Variants in CDH15 observed in about 807,000 individuals in gnomAD.
The protein encoded by CDH15 is cadherin-15.
Under a neutral mutation model 69.4 loss-of-function variants are expected in CDH15, and 73 were observed. That is an observed-to-expected ratio of 1.05 (90% CI 0.87 to 1.28). The LOEUF is 1.28. CDH15 is among the 50% of genes most tolerant of loss of function. CDH15 has a pLI of 0.00. For synonymous variants in CDH15, 624 were observed against 507.7 expected, an observed-to-expected ratio of 1.23 and a Z score of -3.08; for missense variants, 1,343 against 1,133.6, an observed-to-expected ratio of 1.18 and a Z score of -2.65.
intron 4 of CDH15, 47 bp from the exon 5 acceptor site, chr16:89,185,126 C>T (rs1389736633): frequency 6.5e-7 from 1 of 1,544,938 alleles, no homozygotes; most frequent in South Asian, 1.2e-5. Context: ...GCCCCCAGCC[C>T]ATCGGCCCTG....
rs747133227 is a variant in CDH15, at chr16:89,179,488, G to C, written c.115G>C (p.Ala39Pro). Reference protein sequence around the residue: ...TTLYPWRRAPALSRVRRAWVI... With the variant: ...TTLYPWRRAPPLSRVRRAWVI... ...CCTGTACCCCTGGCGCCGGGCGCCT[G>C]CCCTGAGCCGCGTGCGGAGGGCCTG... Residue 39 changes from alanine to proline, a missense_variant, in exon 2 of 14, where the codon GCC becomes CCC. Physicochemically the swap from Ala to Pro is conservative, Grantham distance 27. Transcript: ENST00000289746. The C allele has an allele frequency of 1.9e-6, 3 of 1,613,350 alleles. No homozygotes were observed. The highest frequency in any genetic ancestry group is 1.7e-6 in the Non-Finnish European group (2 of 1,179,904).
In CDH15 at chr16:89,193,857, C is replaced by T. The variant is rs1915718995; in HGVS notation, c.2095C>T (p.Gln699Ter). 1.2e-6 allele frequency: 2 copies of T among 1,611,998 alleles called. No homozygotes were observed. Among genetic ancestry groups the T allele is most frequent in the Non-Finnish European group, 1.7e-6 (2 of 1,179,776 alleles). Residue 699 changes from glutamine (Q) to a stop codon, truncating the protein, a stop_gained, in exon 13 of 14, where the codon CAG becomes TAG. Transcript: ENST00000289746. LOFTEE classifies it high-confidence loss of function. Reference protein sequence around the residue: ...RDAPQGRLHPQPPRVLPTSPL... With the variant: ...RDAPQGRLHP ...TGCCCCGCAGGGCCGCCTGCACCCC[C>T]AGCCACCCCGAGTGCTGCCCACCAG...
rs913079487 is a variant in CDH15 at position 89,173,937 on chromosome 16, G to A, written c.42+2064G>A. Among the ~76,000 whole-genome samples the A allele has an allele frequency of 3.3e-5, 5 of 152,352 alleles. No homozygotes were observed. In the East Asian group the frequency reaches 5.8e-4, roughly 18 times the overall value. On this transcript the variant is annotated intron_variant, in intron 1 of 13. Coordinates refer to ENST00000289746, the MANE Select transcript of CDH15 (RefSeq NM_004933.3). ...GACTCACAGAGAACCCCAGCCTGCT[G>A]GGAAGGTCCCCACTTCTGCATCTGG...
intron 1 of CDH15, among the ~76,000 whole-genome samples, chr16:89,172,580 C>A (rs1244061819): frequency 6.6e-6 from 1 of 152,168 alleles, no homozygotes; most frequent in Non-Finnish European, 1.5e-5. Flanking sequence ...CCCTAAAAAT[C>A]TTGTCTGGAC....
rs745707106 is a variant in CDH15, at chr16:89,190,424, G to C, written c.1160G>C (p.Gly387Ala). Residue 387 changes from glycine to alanine, a missense_variant, in exon 8 of 14, where the codon GGG becomes GCG. By Grantham distance (60) the Gly-to-Ala change is moderately conservative. Transcript: ENST00000289746. Reference protein sequence around the residue: ...ENPLRTSLAEGAPPGTLVATF... With the variant: ...ENPLRTSLAEAAPPGTLVATF... ...CCACTTCGGACCAGCCTAGCAGAGGGGGCACCCCCAGGCACTCTGGTGGCC... is the reference window on the plus strand; with the variant it reads ...CCACTTCGGACCAGCCTAGCAGAGGCGGCACCCCCAGGCACTCTGGTGGCC... 6.8e-5 allele frequency: 109 copies of C among 1,610,972 alleles called. No homozygotes were observed. Among genetic ancestry groups the C allele is most frequent in the Non-Finnish European group, 9.0e-5 (106 of 1,179,380 alleles).
chr16:89,173,112 C>T (rs1440404536), intron 1 of CDH15, among the ~76,000 whole-genome samples: 1 of 152,166 alleles, frequency 6.6e-6, no homozygotes, highest in Admixed American at 6.5e-5. Context: ...ACCCCCGACT[C>T]CCCCATCTGG....
intron 7 of CDH15, 93 bp from the exon 8 acceptor site, chr16:89,190,150 G>T: frequency 6.7e-7 from 1 of 1,493,054 alleles, no homozygotes; most frequent in Non-Finnish European, 9.2e-7. Flanking sequence ...CAGGTGCTCT[G>T]GACAGACCCA....
In CDH15 at chr16:89,193,598, G is replaced by A. The variant is rs1915710647; in HGVS notation, c.1984G>A (p.Glu662Lys). Residue 662 changes from glutamate to lysine, a missense_variant, in exon 12 of 14, where the codon GAG becomes AAG. Coordinates refer to ENST00000289746, the MANE Select transcript of CDH15 (RefSeq NM_004933.3). The stretch of plus-strand genomic sequence containing the variant: ...CTACGATGAGCAAGGAGGCGGGGAG[G>A]AGGACCAGGTGAGGGGGCAGGTGTG... ...LNYDEQGGGE[E>K]DQDAYDISQL... The A allele has an allele frequency of 5.6e-6, 9 of 1,596,368 alleles. No homozygotes were observed. Among genetic ancestry groups the A allele is most frequent in the African/African-American group, 1.3e-5 (1 of 74,680 alleles).
At chr16:89,189,618 C>T (rs976914960) in intron 7 of CDH15, among the ~76,000 whole-genome samples, 2 of 152,242 alleles carry the variant, frequency 1.3e-5, no homozygotes, top group Non-Finnish European at 2.9e-5. Context: ...TCCAGCCTTC[C>T]TCCTTTCATA....
At position 89,180,192 on chromosome 16, in the gene CDH15, C is replaced by A; in HGVS notation, c.202-8C>A. 1 of 1,610,404 alleles carries A rather than the reference C, an allele frequency of 6.2e-7. No individual in the cohort carries two copies. The highest frequency in any genetic ancestry group is 8.5e-7 in the Non-Finnish European group (1 of 1,179,176). On this transcript the variant is annotated splice_polypyrimidine_tract_variant and splice_region_variant and intron_variant, in intron 2 of 13. Coordinates refer to ENST00000289746, the MANE Select transcript of CDH15 (RefSeq NM_004933.3). ...CAGCTCTCCCCAAACCCATTTCCTG[C>A]CCCACAGATCAAGTCGGACAAGCAG...
intron 4 of CDH15, among the ~76,000 whole-genome samples, chr16:89,184,744 A>G (rs1161013721): frequency 1.3e-5 from 2 of 151,786 alleles, no homozygotes; most frequent in East Asian, 3.9e-4. Context: ...CAGCCTGCCC[A>G]TGCATCCTCT....
intron 3 of CDH15, among the ~76,000 whole-genome samples, chr16:89,180,617 G>A (rs917977455): frequency 4.6e-5 from 7 of 152,380 alleles, no homozygotes; most frequent in African/African-American, 1.4e-4. Context: ...GGTTCTGCCA[G>A]GGAGGAGCAT....
chr16:89,192,481 C>T, intron 11 of CDH15, 37 bp downstream of exon 11: 5 of 1,557,140 alleles, frequency 3.2e-6, no homozygotes, highest in Admixed American at 1.8e-5. Context: ...GACCCTCGGA[C>T]CCTCGGACCC....
rs112120808 is a variant in CDH15, at chr16:89,171,808, G to C, written c.-24G>C. 195 of 1,547,406 alleles carry C rather than the reference G, an allele frequency of 1.3e-4. No homozygotes were observed. In the Middle Eastern group the frequency reaches 1.8e-3, roughly 15 times the overall value. ...CTTCTTCGGGTCGCGGGTGCACTCC[G>C]GCCCGGCTCCCGCCTCGGCCCCGAT... On this transcript the variant is annotated 5_prime_UTR_variant, in exon 1 of 14. Transcript: ENST00000289746.
At chr16:89,180,974 C>CTTTTTTTTTTTT (rs770080908) in intron 3 of CDH15, among the ~76,000 whole-genome samples, 14 of 96,988 alleles carry the variant, frequency 1.4e-4, no homozygotes, top group African/African-American at 3.4e-4. Context: ...CGCGCCCGAC[C>CTTTTTTTTTTTT]TTTTTTTTTT....
chr16:89,188,043 C>T, intron 6 of CDH15, 57 bp from the exon 7 acceptor site: 1 of 1,500,294 alleles, frequency 6.7e-7, no homozygotes, highest in Non-Finnish European at 9.1e-7. Flanking sequence ...CCTGAGGGCC[C>T]CACCCATGCT....
At chr16:89,194,053 G>A (rs1472553181) in intron 13 of CDH15, 140 bp downstream of exon 13, 10 of 1,034,774 alleles carry the variant, frequency 9.7e-6, no homozygotes, top group Non-Finnish European at 1.4e-5. Context: ...CGCAGAGGAA[G>A]ATGGTGTGCG....
chr16:89,173,776 C>T (rs527870784), intron 1 of CDH15, among the ~76,000 whole-genome samples: 42 of 152,352 alleles, frequency 2.8e-4, no homozygotes, highest in Non-Finnish European at 4.3e-4. Context: ...GCTGAGCTCA[C>T]TCAGCCCCAC....
Position 89,190,205 on chromosome 16 carries a change from G to A in CDH15, c.979-38G>A, listed in dbSNP as rs796096224. ...CACCTGCCCTCGGGTGCCCACACTT[G>A]CGTTGGGCGGATGACGGGCTGTGCT... On this transcript the variant is annotated intron_variant, in intron 7 of 13. Transcript: ENST00000289746. The A allele has an allele frequency of 7.5e-6, 12 of 1,604,528 alleles. No homozygotes were observed. The African/African-American group carries it at 1.5e-4, about 20-fold the overall frequency.
Sources: gnomAD v4.1 joint callset for allele counts (sites outside exome capture counted in the v4.1 genomes callset) on GRCh38, gnomAD v4.1.1 for gene constraint, MANE v1.5 for transcripts, NCBI Gene and HGNC (gene_info 2026-07-23, HGNC 2026-07-21) for gene names.